GPR176: variants seen among roughly 807,000 people sequenced by gnomAD.
GPR176 encodes the protein G protein-coupled receptor 176, also known as G-protein coupled receptor 176.
Under a neutral mutation model 35.4 loss-of-function variants are expected in GPR176, and 26 were observed. The observed-to-expected ratio is 0.74, with a 90% CI of 0.54 to 1.02. GPR176 has a LOEUF of 1.02. Among genes scored for constraint, GPR176 ranks in the 50% least tolerant of loss-of-function variants. GPR176 has a pLI of 0.00. For missense variants in GPR176, 597 were observed against 665.3 expected, an observed-to-expected ratio of 0.90 and a Z score of 1.13; for synonymous variants, 278 against 271.3, an observed-to-expected ratio of 1.02 and a Z score of -0.24.
chr15:39,826,504 G>T (rs1344546235), intron 1 of GPR176, among the ~76,000 whole-genome samples: 1 of 152,046 alleles, frequency 6.6e-6, no homozygotes, highest in Non-Finnish European at 1.5e-5. Flanking sequence ...ACCTACAGGG[G>T]GCTCCTGCAT....
At chr15:39,820,810 G>A (rs557361714) in intron 1 of GPR176, among the ~76,000 whole-genome samples, 3 of 152,320 alleles carry the variant, frequency 2.0e-5, no homozygotes, top group South Asian at 2.1e-4. Context: ...TAAACATGGA[G>A]AGAGTGGAAG....
At chr15:39,888,967 T>TA (rs1419141703) in intron 1 of GPR176, among the ~76,000 whole-genome samples, 1 of 152,170 alleles carries the variant, frequency 6.6e-6, no homozygotes, top group Non-Finnish European at 1.5e-5. Context: ...ACCAGCTATT[T>TA]AAAAAGGAAT....
rs372579892 is a variant in GPR176, at chr15:39,828,033, A to G, written c.173-20775T>C. 1.6e-4 allele frequency among the ~76,000 whole-genome samples: 25 copies of G among 152,340 alleles called. No homozygotes were observed. The East Asian group carries it at 1.7e-3, about 11-fold the overall frequency. ...GTGGTATTGGGAGATGGTATAATAA[A>G]TGTGTGACTTAATTTGTTTATGAAA... On this transcript the variant is annotated intron_variant, in intron 1 of 2. Coordinates refer to ENST00000561100, the MANE Select transcript of GPR176 (RefSeq NM_007223.3).
intron 1 of GPR176, among the ~76,000 whole-genome samples, chr15:39,841,706 T>C (rs961617787): frequency 6.6e-6 from 1 of 152,272 alleles, no homozygotes; most frequent in East Asian, 1.9e-4. Context: ...AACTGTGAGA[T>C]AATAAATTTC....
intron 1 of GPR176, among the ~76,000 whole-genome samples, chr15:39,808,182 C>T (rs1054044906): frequency 6.6e-6 from 1 of 152,162 alleles, no homozygotes; most frequent in Admixed American, 6.5e-5. Flanking sequence ...GCTGATGACT[C>T]CCAAATTCAT....
intron 1 of GPR176, among the ~76,000 whole-genome samples, chr15:39,832,689 A>ACACACACACACAC (rs3065169): frequency 7.9e-5 from 12 of 151,418 alleles, no homozygotes; most frequent in East Asian, 1.9e-4. Context: ...ACACACACAC[A>ACACACACACACAC]AATCTTATAA....
intron 2 of GPR176, among the ~76,000 whole-genome samples, chr15:39,805,546 C>CG (rs1305437556): frequency 6.6e-6 from 1 of 152,012 alleles, no homozygotes; most frequent in Non-Finnish European, 1.5e-5. Context: ...AACTGCTGAG[C>CG]GGCTGATCCC....
At chr15:39,825,914 C>T (rs1900610450) in intron 1 of GPR176, among the ~76,000 whole-genome samples, 1 of 152,130 alleles carries the variant, frequency 6.6e-6, no homozygotes, top group African/African-American at 2.4e-5. Flanking sequence ...TATAACATTT[C>T]TGAAAAGTAA....
intron 1 of GPR176, among the ~76,000 whole-genome samples, chr15:39,818,618 C>T (rs1189646896): frequency 6.6e-6 from 1 of 152,186 alleles, no homozygotes; most frequent in African/African-American, 2.4e-5. Flanking sequence ...ATGCGCATAT[C>T]TTTTAGCAAT....
intron 1 of GPR176, chr15:39,909,826 C>T: frequency 7.2e-6 from 5 of 697,562 alleles, no homozygotes; most frequent in Non-Finnish European, 8.8e-6. Flanking sequence ...TCACAACCAA[C>T]ATAATAACTG....
chr15:39,841,450 C>T (rs2029975667), intron 1 of GPR176, among the ~76,000 whole-genome samples: 1 of 151,252 alleles, frequency 6.6e-6, no homozygotes, highest in South Asian at 2.1e-4. Context: ...TCCAATATGA[C>T]TGGTGTCCTT....
rs953607453 is a variant in GPR176 at position 39,873,524 on chromosome 15, T to C, written c.172+46331A>G. Among the ~76,000 whole-genome samples the C allele has an allele frequency of 6.6e-5, 10 of 151,954 alleles. No homozygotes were observed. In the East Asian group the frequency reaches 1.9e-3, roughly 29 times the overall value. On this transcript the variant is annotated intron_variant, in intron 1 of 2. Coordinates refer to ENST00000561100, the MANE Select transcript of GPR176 (RefSeq NM_007223.3). ...AAACTACAACACTGGCTGCAGCAAA[T>C]GAAGAGCTAATCTGTGAATTTCATG...
intron 1 of GPR176, among the ~76,000 whole-genome samples, chr15:39,913,643 A>AC (rs2033638921): frequency 6.6e-6 from 1 of 152,168 alleles, no homozygotes; most frequent in South Asian, 2.1e-4. Flanking sequence ...CAGTGCTACT[A>AC]CCGAAGGATA....
chr15:39,895,291 G>GAGGGAC (rs2033078168), intron 1 of GPR176, among the ~76,000 whole-genome samples: 1 of 138,176 alleles, frequency 7.2e-6, no homozygotes, highest in Admixed American at 7.2e-5. Flanking sequence ...GGGAGAGGAA[G>GAGGGAC]AGGGGGAGGG....
At chr15:39,842,483 A>C (rs1418182852) in intron 1 of GPR176, among the ~76,000 whole-genome samples, 1 of 152,082 alleles carries the variant, frequency 6.6e-6, no homozygotes, top group Non-Finnish European at 1.5e-5. Flanking sequence ...ACAGAGCCAA[A>C]ACACAGAACC....
chr15:39,812,875 C>G (rs1236543328), intron 1 of GPR176, among the ~76,000 whole-genome samples: 1 of 152,000 alleles, frequency 6.6e-6, no homozygotes, highest in Non-Finnish European at 1.5e-5. Flanking sequence ...TCCCAAGTAG[C>G]TGGGACTACT....
chr15:39,899,367 T>C (rs1319458679), intron 1 of GPR176, among the ~76,000 whole-genome samples: 1 of 152,212 alleles, frequency 6.6e-6, no homozygotes, highest in Non-Finnish European at 1.5e-5. Context: ...ACAATTTTCC[T>C]AGTGGATCAC....
intron 1 of GPR176, among the ~76,000 whole-genome samples, chr15:39,911,548 A>C (rs1346607961): frequency 6.6e-6 from 1 of 152,262 alleles, no homozygotes; most frequent in African/African-American, 2.4e-5. Flanking sequence ...ACAAAAGAAA[A>C]CAATAGTAAC....
intron 1 of GPR176, among the ~76,000 whole-genome samples, chr15:39,874,540 C>T (rs1173214396): frequency 6.6e-6 from 1 of 152,202 alleles, no homozygotes; most frequent in Admixed American, 6.5e-5. Context: ...ACATGTGTTA[C>T]ATGGTCTGCA....
Sources: allele counts gnomAD v4.1 joint callset (sites outside exome capture counted in the v4.1 genomes callset), GRCh38; gene constraint gnomAD v4.1.1; transcripts MANE v1.5; gene names NCBI Gene and HGNC (gene_info 2026-07-23, HGNC 2026-07-21).